USP34: variants seen among roughly 807,000 people sequenced by gnomAD.
The protein encoded by USP34 is ubiquitin specific peptidase 34.
USP34 carries 70 observed loss-of-function variants against 460.3 expected under a neutral mutation model. The ratio of observed to expected loss-of-function variants is 0.15; its 90% CI spans 0.13 to 0.19. USP34 has a LOEUF of 0.19. Ranked by LOEUF, USP34 falls within the 10% of genes least tolerant of loss-of-function variation. The pLI, the probability that USP34 is intolerant of heterozygous loss-of-function variation, is 1.00. For synonymous variants in USP34, 1,647 were observed against 1,405.3 expected, an observed-to-expected ratio of 1.17 and a Z score of -3.85; for missense variants, 3,985 against 4,236.2, an observed-to-expected ratio of 0.94 and a Z score of 1.65.
intron 10 of USP34, among the ~76,000 whole-genome samples, chr2:61,359,919 G>C (rs1339038823): frequency 6.6e-6 from 1 of 151,050 alleles, no homozygotes; most frequent in Non-Finnish European, 1.5e-5. Context: ...CAAGTAGCTG[G>C]GACTACAGGC....
chr2:61,259,143 C>T (rs1045571653), intron 44 of USP34, among the ~76,000 whole-genome samples: 1 of 151,978 alleles, frequency 6.6e-6, no homozygotes, highest in African/African-American at 2.4e-5. Context: ...CCTGTAGTCC[C>T]AGCTACTTGG....
intron 27 of USP34, 71 bp from the exon 28 acceptor site, chr2:61,301,525 G>C (rs2103642763): frequency 1.5e-6 from 2 of 1,352,342 alleles, no homozygotes; most frequent in East Asian, 2.3e-5. Flanking sequence ...AGAATATGTA[G>C]TTGTAGCAAT....
At chr2:61,237,907 T>G (rs937463332) in intron 53 of USP34, among the ~76,000 whole-genome samples, 9 of 151,252 alleles carry the variant, frequency 6.0e-5, no homozygotes, top group Non-Finnish European at 1.0e-4. Flanking sequence ...TTTTCTTTTC[T>G]TTTTTTTGAG....
At chr2:61,445,798 A>C (rs1176508061) in intron 1 of USP34, among the ~76,000 whole-genome samples, 3 of 151,648 alleles carry the variant, frequency 2.0e-5, no homozygotes, top group East Asian at 3.9e-4. Flanking sequence ...AATACAAAAA[A>C]TTTGCCAGGC....
intron 1 of USP34, among the ~76,000 whole-genome samples, chr2:61,447,753 T>C (rs901199214): frequency 1.3e-5 from 2 of 152,204 alleles, no homozygotes; most frequent in African/African-American, 2.4e-5. Flanking sequence ...TCTCACTCTG[T>C]CGCCTAGGCT....
At chr2:61,219,496 C>T (rs1209790588) in intron 67 of USP34, among the ~76,000 whole-genome samples, 1 of 152,036 alleles carries the variant, frequency 6.6e-6, no homozygotes, top group Non-Finnish European at 1.5e-5. Context: ...CACGGTAAAA[C>T]CCTGTCTCTA....
chr2:61,189,981 A>G (rs930500689), intron 78 of USP34: 2 of 274,804 alleles, frequency 7.3e-6, no homozygotes, highest in African/African-American at 2.2e-5. Flanking sequence ...TAGAAACATC[A>G]CAAGTATTGT....
chr2:61,347,839 G>T, intron 15 of USP34, 31 bp downstream of exon 15: 1 of 1,602,590 alleles, frequency 6.2e-7, no homozygotes. Flanking sequence ...AAGGAAATAT[G>T]AACTGAATAT....
chr2:61,279,433 A>T (rs1197799275), intron 39 of USP34, among the ~76,000 whole-genome samples: 1 of 152,170 alleles, frequency 6.6e-6, no homozygotes, highest in Non-Finnish European at 1.5e-5. Context: ...CACTGGAAAA[A>T]ACGCAAGTCT....
intron 21 of USP34, among the ~76,000 whole-genome samples, chr2:61,324,082 C>CCACAGTTAAA (rs1691011624): frequency 6.6e-6 from 1 of 152,092 alleles, no homozygotes; most frequent in African/African-American, 2.4e-5. Flanking sequence ...AATATATTAA[C>CCACAGTTAAA]CACAGTTAAA....
chr2:61,467,924 G>A (rs1390711402), intron 1 of USP34, among the ~76,000 whole-genome samples: 8 of 151,820 alleles, frequency 5.3e-5, no homozygotes, highest in South Asian at 2.1e-4. Flanking sequence ...AGAGTTGCCC[G>A]GCCAACTCTG....
intron 76 of USP34, among the ~76,000 whole-genome samples, chr2:61,191,850 C>T (rs963394731): frequency 6.6e-6 from 1 of 152,164 alleles, no homozygotes; most frequent in Non-Finnish European, 1.5e-5. Context: ...CTGAACAGAA[C>T]ACTCAGCTCA....
At chr2:61,373,007 C>T (rs1692677761) in intron 8 of USP34, among the ~76,000 whole-genome samples, 1 of 152,108 alleles carries the variant, frequency 6.6e-6, no homozygotes, top group South Asian at 2.1e-4. Context: ...ACTAAGCATA[C>T]ACAAGGGAAC....
At chr2:61,194,026 A>C in intron 75 of USP34, 1 of 732,776 alleles carries the variant, frequency 1.4e-6, no homozygotes, top group Non-Finnish European at 1.7e-6. Flanking sequence ...AAAAATATGA[A>C]AACTATTCTT....
In USP34 at chr2:61,296,845, T is replaced by A. The variant is rs763785743; in HGVS notation, c.4209A>T (p.Thr1403=). The change falls in exon 30 of 80, where the codon ACA becomes ACT. Residue 1403 remains threonine, a synonymous_variant. Coordinates refer to ENST00000398571, the MANE Select transcript of USP34 (RefSeq NM_014709.4). ...RVWELLMLLP[T]CPNMLMAFQN... is the part of the protein sequence containing the mutation. Reference sequence around the variant, plus strand: ...GGAATGCCATCAACATATTAGGACATGTAGGAAGAAGCATCAGTAGCTCCC... The same window carrying A: ...GGAATGCCATCAACATATTAGGACAAGTAGGAAGAAGCATCAGTAGCTCCC... 9 of 1,613,714 alleles carry A rather than the reference T, an allele frequency of 5.6e-6. No individual in the cohort carries two copies. The highest frequency in any genetic ancestry group is 7.6e-6 in the Non-Finnish European group (9 of 1,179,892).
chr2:61,429,991 A>G (rs145208675), intron 1 of USP34, among the ~76,000 whole-genome samples: 88 of 152,160 alleles, frequency 5.8e-4, no homozygotes, highest in Admixed American at 9.2e-4. Flanking sequence ...AGGCGGGTGG[A>G]TCACGAGGTC....
chr2:61,335,699 A>G (rs1691395589), intron 18 of USP34, among the ~76,000 whole-genome samples: 2 of 152,202 alleles, frequency 1.3e-5, no homozygotes, highest in Non-Finnish European at 2.9e-5. Flanking sequence ...CAGTGAGCTG[A>G]GATTGCACCA....
intron 1 of USP34, among the ~76,000 whole-genome samples, chr2:61,437,758 G>A (rs1048090417): frequency 2.7e-5 from 3 of 109,958 alleles, no homozygotes; most frequent in African/African-American, 1.1e-4. Flanking sequence ...GGGCAACAGA[G>A]CGAGACTCCG....
chr2:61,287,255 T>C (rs1026720945), intron 34 of USP34, among the ~76,000 whole-genome samples: 3 of 152,194 alleles, frequency 2.0e-5, no homozygotes, highest in African/African-American at 4.8e-5. Flanking sequence ...TAACAATTCA[T>C]TACTTTGATG....
Sources: allele counts gnomAD v4.1 joint callset (sites outside exome capture counted in the v4.1 genomes callset), GRCh38; gene constraint gnomAD v4.1.1; transcripts MANE v1.5; gene names NCBI Gene and HGNC (gene_info 2026-07-23, HGNC 2026-07-21).